MALRD1: variants seen among roughly 807,000 people sequenced by gnomAD.
MALRD1 encodes the protein MAM and LDL receptor class A domain containing 1, also known as MAM and LDL-receptor class A domain-containing protein 1.
MALRD1 carries 247 observed loss-of-function variants against 242.1 expected under a neutral mutation model. The observed-to-expected ratio is 1.02, with a 90% CI of 0.92 to 1.13. The LOEUF is 1.13. Among genes scored for constraint, MALRD1 ranks in the 50% most tolerant of loss-of-function variants. The pLI is 0.00. For missense variants in MALRD1, 2,989 were observed against 2,533.1 expected (o/e 1.18, Z -3.86); for synonymous variants, 995 against 866.6 (o/e 1.15, Z -2.60).
chr10:19,237,657 T>C (rs1266961640), intron 18 of MALRD1, among the ~76,000 whole-genome samples: 1 of 104,410 alleles, frequency 9.6e-6, no homozygotes, highest in Non-Finnish European at 1.8e-5. Flanking sequence ...ATTATAATTA[T>C]ATATAAATTA....
chr10:19,218,973 A>G (rs1837445354), intron 18 of MALRD1, among the ~76,000 whole-genome samples: 1 of 152,124 alleles, frequency 6.6e-6, no homozygotes, highest in African/African-American at 2.4e-5. Flanking sequence ...AAGTTTTAGT[A>G]ATCTAATTAT....
chr10:19,295,025 A>G (rs893033152), intron 21 of MALRD1, among the ~76,000 whole-genome samples: 6 of 152,064 alleles, frequency 3.9e-5, no homozygotes, highest in African/African-American at 1.4e-4. Context: ...AGTCAAGAGT[A>G]TTCCATTAAG....
At chr10:19,482,363 A>G (rs967222413) in intron 29 of MALRD1, among the ~76,000 whole-genome samples, 13 of 152,068 alleles carry the variant, frequency 8.5e-5, no homozygotes, top group Non-Finnish European at 1.9e-4. Flanking sequence ...ATGTATTAAA[A>G]AGCTAAAAAA....
intron 13 of MALRD1, among the ~76,000 whole-genome samples, chr10:19,170,731 A>G (rs993970659): frequency 2.0e-5 from 3 of 152,164 alleles, no homozygotes; most frequent in African/African-American, 7.2e-5. Flanking sequence ...ATAATCATTA[A>G]TGGCTCAGCT....
intron 34 of MALRD1, among the ~76,000 whole-genome samples, chr10:19,607,192 G>A (rs777178231): frequency 4.6e-5 from 7 of 152,142 alleles, no homozygotes; most frequent in Non-Finnish European, 1.0e-4. Flanking sequence ...TTGATGATAT[G>A]TGTAATACTA....
intron 28 of MALRD1, among the ~76,000 whole-genome samples, chr10:19,441,992 G>A (rs890143348): frequency 5.3e-5 from 8 of 151,982 alleles, no homozygotes; most frequent in African/African-American, 1.7e-4. Context: ...ATTTGTTTGT[G>A]TCCTCTTTTA....
chr10:19,551,065 CTGAT>C (rs1310835437), intron 32 of MALRD1, among the ~76,000 whole-genome samples: 5 of 152,072 alleles, frequency 3.3e-5, no homozygotes, highest in Non-Finnish European at 7.4e-5. Flanking sequence ...GTAAAGATCA[CTGAT>C]TGAGCTTCTT....
rs770969269 is a variant in MALRD1, at chr10:19,248,404, T to A, written c.2992-9280T>A. 9.6e-3 allele frequency among the ~76,000 whole-genome samples: 1,081 copies of A among 112,790 alleles called. 15 individuals are homozygous for A. The highest frequency in any genetic ancestry group is 0.028 in the African/African-American group (962 of 34,978). 74.0% of individuals were successfully genotyped at this position (112,790 alleles called of 152,430 possible). On this transcript the variant is annotated intron_variant, in intron 18 of 39. Coordinates refer to ENST00000454679, the MANE Select transcript of MALRD1 (RefSeq NM_001142308.3). ...TTAAGGTGCCATGAAAAAAAAAAAA[T>A]AAAGTGTGACACATGTAGAAAATGT... is the stretch of plus-strand genomic sequence containing the variant.
At chr10:19,190,328 C>T (rs1230415082) in intron 14 of MALRD1, among the ~76,000 whole-genome samples, 1 of 151,886 alleles carries the variant, frequency 6.6e-6, no homozygotes, top group African/African-American at 2.4e-5. Flanking sequence ...AAAGACATTC[C>T]ATGTTCATAG....
chr10:19,730,777 CAG>C lies in MALRD1; in HGVS notation c.6389_6390del (p.Ser2131PhefsTer38), dbSNP rs1178887943. 6.5e-7 allele frequency: 1 copy of C among 1,536,556 alleles called. No homozygotes were observed. Among genetic ancestry groups the C allele is most frequent in the East Asian group, 2.4e-5 (1 of 40,892 alleles). On this transcript the variant is annotated frameshift_variant and splice_region_variant, in exon 39 of 40. Transcript: ENST00000454679. LOFTEE classifies it high-confidence loss of function. ...GGGAACTGGAGCAACCCAGAGAAAA[CAG>C]AGGTAAGTGGCAAGGGTGAACTATA... is the stretch of plus-strand genomic sequence containing the variant.
chr10:19,423,975 T>G (rs1223715941), intron 28 of MALRD1, among the ~76,000 whole-genome samples: 2 of 152,098 alleles, frequency 1.3e-5, no homozygotes, highest in Non-Finnish European at 2.9e-5. Context: ...AGAGATGACA[T>G]GTACAAATAT....
intron 36 of MALRD1, among the ~76,000 whole-genome samples, chr10:19,631,622 G>T (rs1003461719): frequency 1.3e-5 from 2 of 152,148 alleles, no homozygotes; most frequent in South Asian, 2.1e-4. Flanking sequence ...AGTGTATAAG[G>T]TTCATTTTTC....
chr10:19,108,455 C>T (rs1317970730), intron 5 of MALRD1, among the ~76,000 whole-genome samples: 6 of 19,606 alleles, frequency 3.1e-4, no homozygotes, highest in East Asian at 1.4e-3. Context: ...TCGCCCAGGC[C>T]GGACTGCGGA....
chr10:19,236,328 C>A (rs1381881613), intron 18 of MALRD1, among the ~76,000 whole-genome samples: 2 of 152,154 alleles, frequency 1.3e-5, no homozygotes, highest in Non-Finnish European at 2.9e-5. Flanking sequence ...TGGCTGCTCT[C>A]ACTTAAGCAG....
intron 2 of MALRD1, among the ~76,000 whole-genome samples, chr10:19,071,789 A>C (rs1564373035): frequency 1.3e-5 from 2 of 152,158 alleles, no homozygotes; most frequent in South Asian, 4.1e-4. Flanking sequence ...CATGGAGACA[A>C]GAATCCCACA....
At chr10:19,141,243 G>A (rs1833530292) in intron 10 of MALRD1, among the ~76,000 whole-genome samples, 1 of 152,160 alleles carries the variant, frequency 6.6e-6, no homozygotes, top group Admixed American at 6.5e-5. Flanking sequence ...CTACAACATG[G>A]ATGAACCTTG....
At position 19,171,849 on chromosome 10, in the gene MALRD1, C is replaced by T. The variant is rs898263105; in HGVS notation, c.1831-3359C>T. 2.8e-5 allele frequency among the ~76,000 whole-genome samples: 4 copies of T among 142,484 alleles called. No homozygotes were observed. The South Asian group carries it at 6.5e-4, about 23-fold the overall frequency. 93.5% of individuals were successfully genotyped at this position (142,484 alleles called of 152,430 possible). The stretch of plus-strand genomic sequence containing the variant: ...ATATACATATATACACATATATACA[C>T]ATACATATATATACATATATACACG... On this transcript the variant is annotated intron_variant, in intron 13 of 39. Coordinates refer to ENST00000454679, the MANE Select transcript of MALRD1 (RefSeq NM_001142308.3).
At chr10:19,403,453 A>G (rs1404658472) in intron 28 of MALRD1, among the ~76,000 whole-genome samples, 2 of 152,146 alleles carry the variant, frequency 1.3e-5, no homozygotes, top group Non-Finnish European at 2.9e-5. Context: ...ATATATCCAC[A>G]TATAATCATT....
intron 30 of MALRD1, among the ~76,000 whole-genome samples, chr10:19,495,578 C>T (rs1213774928): frequency 6.6e-6 from 1 of 152,066 alleles, no homozygotes; most frequent in Non-Finnish European, 1.5e-5. Context: ...AGCAAACCTG[C>T]CTTAAAAGAG....
Sources: allele counts gnomAD v4.1 joint callset (sites outside exome capture counted in the v4.1 genomes callset), GRCh38; gene constraint gnomAD v4.1.1; transcripts MANE v1.5; gene names NCBI Gene and HGNC (gene_info 2026-07-23, HGNC 2026-07-21).